ATP13A4: variants seen among roughly 807,000 people sequenced by gnomAD.
The protein encoded by ATP13A4 is ATPase 13A4.
Under a neutral mutation model 142.5 loss-of-function variants are expected in ATP13A4, and 114 were observed. The ratio of observed to expected loss-of-function variants is 0.80; its 90% CI spans 0.69 to 0.93. ATP13A4 has a LOEUF of 0.93. Ranked by LOEUF, ATP13A4 falls within the 40% of genes least tolerant of loss-of-function variation. ATP13A4 has a pLI of 0.00. For synonymous variants in ATP13A4, 488 were observed against 514.8 expected, an observed-to-expected ratio of 0.95 and a Z score of 0.70; for missense variants, 1,392 against 1,454.0, an observed-to-expected ratio of 0.96 and a Z score of 0.69.
intron 2 of ATP13A4, among the ~76,000 whole-genome samples, chr3:193,514,291 T>G (rs959083260): frequency 6.6e-6 from 1 of 152,170 alleles, no homozygotes. Flanking sequence ...TATGTGTCCA[T>G]GTGTTATCAT....
intron 13 of ATP13A4, among the ~76,000 whole-genome samples, chr3:193,460,121 C>T (rs1717869091): frequency 6.6e-6 from 1 of 152,198 alleles, no homozygotes. Context: ...TCCCCCTCCT[C>T]CACATGCCAA....
intron 1 of ATP13A4, among the ~76,000 whole-genome samples, chr3:193,583,154 T>G (rs1361514240): frequency 6.6e-6 from 1 of 151,590 alleles, no homozygotes. Flanking sequence ...AAGAAGGGGC[T>G]GGGTGCAGTG....
At chr3:193,515,460 A>G (rs1488267936) in intron 1 of ATP13A4, among the ~76,000 whole-genome samples, 1 of 152,196 alleles carries the variant, frequency 6.6e-6, no homozygotes, top group Non-Finnish European at 1.5e-5. Context: ...AAGAGGATTA[A>G]CAAGTAAATG....
Position 193,457,375 on chromosome 3 carries a change from T to G in ATP13A4, c.1761+4A>C. 1 of 1,614,086 alleles carries G rather than the reference T, an allele frequency of 6.2e-7. No homozygotes were observed. Among genetic ancestry groups the G allele is most frequent in the Non-Finnish European group, 8.5e-7 (1 of 1,179,904 alleles). Reference sequence around the variant, plus strand: ...TTGTGGGGTGAAGAGCAAGCAGGGCTTACCTGGCTGGCTGTTCTGCAGGGC... The same window carrying G: ...TTGTGGGGTGAAGAGCAAGCAGGGCGTACCTGGCTGGCTGTTCTGCAGGGC... On this transcript the variant is annotated splice_donor_region_variant and intron_variant, in intron 15 of 29. Transcript: ENST00000342695.
chr3:193,576,025 G>C (rs1724384046), intron 2 of ATP13A4, among the ~76,000 whole-genome samples: 1 of 152,138 alleles, frequency 6.6e-6, no homozygotes, highest in South Asian at 2.1e-4. Context: ...GCAGAAGCCA[G>C]GGATGCTGTC....
intron 25 of ATP13A4, among the ~76,000 whole-genome samples, chr3:193,428,274 T>C (rs1715778441): frequency 6.6e-6 from 1 of 150,936 alleles, no homozygotes; most frequent in Admixed American, 6.6e-5. Flanking sequence ...TGGTGATAAT[T>C]AGAAAGTCAG....
upstream of ATP13A4, among the ~76,000 whole-genome samples, chr3:193,557,710 C>T (rs949705945): frequency 2.0e-5 from 3 of 152,236 alleles, no homozygotes; most frequent in Non-Finnish European, 4.4e-5. Flanking sequence ...CTCTTCTACA[C>T]ATTTATTTGG....
At chr3:193,440,729 A>G in intron 20 of ATP13A4, 92 bp from the exon 21 acceptor site, 1 of 1,344,300 alleles carries the variant, frequency 7.4e-7, no homozygotes, top group Non-Finnish European at 1.1e-6. Context: ...CTGCATCATG[A>G]CACTTACGAT....
intron 2 of ATP13A4, among the ~76,000 whole-genome samples, chr3:193,504,020 T>TGAGAGA (rs1553851730): frequency 6.9e-6 from 1 of 144,216 alleles, no homozygotes; most frequent in African/African-American, 2.6e-5. Context: ...TGTGTGTGTG[T>TGAGAGA]GAGAGAGAGA....
intron 1 of ATP13A4, among the ~76,000 whole-genome samples, chr3:193,537,318 C>T (rs930470038): frequency 3.9e-5 from 6 of 152,058 alleles, no homozygotes; most frequent in African/African-American, 1.4e-4. Flanking sequence ...ATTTTTGACA[C>T]ATACGCAAAA....
intron 1 of ATP13A4, among the ~76,000 whole-genome samples, chr3:193,540,619 T>C (rs946642211): frequency 8.9e-5 from 13 of 146,882 alleles, no homozygotes; most frequent in African/African-American, 2.8e-4. Flanking sequence ...GCAATATTAC[T>C]AGTAATGCCA....
chr3:193,467,659 C>T (rs1189654355), intron 9 of ATP13A4, among the ~76,000 whole-genome samples, 173 bp from the exon 10 acceptor site: 2 of 152,114 alleles, frequency 1.3e-5, no homozygotes, highest in Non-Finnish European at 2.9e-5. Flanking sequence ...TCTAAGAGGT[C>T]TGTAGTTTAG....
In ATP13A4 at chr3:193,471,047, A is replaced by G. The variant is rs949654503; in HGVS notation, c.809-54T>C. ...CAGGTTATTTTCCCACAAAAATACA[A>G]TCCAACATCTATTTAACTTGGATAT... On this transcript the variant is annotated intron_variant, in intron 8 of 29. Transcript: ENST00000342695. 4 of 1,608,482 alleles carry G rather than the reference A, an allele frequency of 2.5e-6. No homozygotes were observed. The African/African-American group carries it at 5.3e-5, about 22-fold the overall frequency.
In ATP13A4 at chr3:193,464,924, G is replaced by A; in HGVS notation, c.1461+16C>T. ...TGGTAAAAATGATGATAAGAATAAG[G>A]ATGAAACACACATACCTTGTCAAAG... On this transcript the variant is annotated intron_variant, in intron 12 of 29. Transcript: ENST00000342695. The A allele has an allele frequency of 6.2e-7, 1 of 1,610,296 alleles. No individual in the cohort carries two copies. The highest frequency in any genetic ancestry group is 8.5e-7 in the Non-Finnish European group (1 of 1,176,820).
intron 2 of ATP13A4, among the ~76,000 whole-genome samples, chr3:193,576,822 C>T (rs905338405): frequency 6.6e-6 from 1 of 152,174 alleles, no homozygotes; most frequent in East Asian, 1.9e-4. Flanking sequence ...TCTACAGAAT[C>T]GTCCATGAAG....
At chr3:193,533,851 T>C (rs933926270) in intron 1 of ATP13A4, among the ~76,000 whole-genome samples, 2 of 152,102 alleles carry the variant, frequency 1.3e-5, no homozygotes, top group African/African-American at 4.8e-5. Context: ...TACCAAATGG[T>C]AATGAACACC....
At chr3:193,542,316 T>C (rs562909609) in intron 1 of ATP13A4, among the ~76,000 whole-genome samples, 1 of 152,080 alleles carries the variant, frequency 6.6e-6, no homozygotes, top group Admixed American at 6.5e-5. Flanking sequence ...CCCAAGGAAA[T>C]GAGAGAGGAC....
intron 23 of ATP13A4, among the ~76,000 whole-genome samples, chr3:193,437,103 C>G (rs1427283300): frequency 1.6e-5 from 1 of 62,830 alleles, no homozygotes; most frequent in Non-Finnish European, 3.1e-5. Flanking sequence ...GACTCCGTCT[C>G]AAAAAAAAAA....
At chr3:193,508,867 T>A (rs1317606601) in intron 2 of ATP13A4, among the ~76,000 whole-genome samples, 2 of 152,182 alleles carry the variant, frequency 1.3e-5, no homozygotes, top group South Asian at 2.1e-4. Context: ...TTCAACTTAA[T>A]TCAACGTATT....
Sources: allele counts gnomAD v4.1 joint callset (sites outside exome capture counted in the v4.1 genomes callset), GRCh38; gene constraint gnomAD v4.1.1; transcripts MANE v1.5; gene names NCBI Gene and HGNC (gene_info 2026-07-23, HGNC 2026-07-21).